The following GPAT4 variants were observed in gnomAD, a reference collection of about 807,000 sequenced individuals.
The protein encoded by GPAT4 is glycerol-3-phosphate acyltransferase 4, also known as 1-AGP acyltransferase 6.
GPAT4 carries 17 observed loss-of-function variants against 58.0 expected under a neutral mutation model. That is an observed-to-expected ratio of 0.29 (90% CI 0.20 to 0.44). The LOEUF (loss-of-function observed/expected upper bound fraction) is 0.44, where lower values mean the gene tolerates loss of function less well. Among genes scored for constraint, GPAT4 ranks in the 20% least tolerant of loss-of-function variants. GPAT4 has a pLI of 1.00. For missense variants in GPAT4, 377 were observed against 574.5 expected, an observed-to-expected ratio of 0.66 and a Z score of 3.51; for synonymous variants, 204 against 210.1, an observed-to-expected ratio of 0.97 and a Z score of 0.25.
chr8:41,606,799 A>G (rs544552039), intron 2 of GPAT4, among the ~76,000 whole-genome samples: 8 of 152,132 alleles, frequency 5.3e-5, no homozygotes, highest in Non-Finnish European at 8.8e-5. Context: ...GAAACCTCAC[A>G]GATAGCAGCC....
chr8:41,591,165 G>A (rs1180309437), intron 1 of GPAT4, among the ~76,000 whole-genome samples: 1 of 152,092 alleles, frequency 6.6e-6, no homozygotes, highest in African/African-American at 2.4e-5. Flanking sequence ...GCATGCACCG[G>A]TAATCAGAAT....
chr8:41,587,752 C>A (rs1802693939), intron 1 of GPAT4, among the ~76,000 whole-genome samples: 1 of 152,200 alleles, frequency 6.6e-6, no homozygotes, highest in Non-Finnish European at 1.5e-5. Context: ...TTGGGAACCA[C>A]TGGTCCGATT....
intron 12 of GPAT4, among the ~76,000 whole-genome samples, chr8:41,620,384 G>C (rs1467205694): frequency 6.6e-6 from 1 of 152,302 alleles, no homozygotes; most frequent in South Asian, 2.1e-4. Flanking sequence ...CATTCCTGAC[G>C]GCACTCTTTT....
intron 8 of GPAT4, 48 bp from the exon 9 acceptor site, chr8:41,614,338 A>G: frequency 1.3e-6 from 2 of 1,483,132 alleles, no homozygotes; most frequent in East Asian, 2.3e-5. Flanking sequence ...TATTTTGACG[A>G]TGTGTATAAG....
In GPAT4 at chr8:41,622,986, T is replaced by C. The variant is rs1299472232; in HGVS notation, c.*1985T>C. 6.6e-6 allele frequency: 1 copy of C among 152,172 alleles called. No individual in the cohort carries two copies. The highest frequency in any genetic ancestry group is 2.1e-4 in the South Asian group (1 of 4,834). The allele number at this position is 152,172 out of a possible 1,614,324, so 9.4% of individuals were successfully genotyped here. A position where few individuals can be genotyped will look rare whatever the true frequency, so the allele number is the denominator to read the frequency against. On this transcript the variant is annotated 3_prime_UTR_variant, in exon 13 of 13. Coordinates refer to ENST00000396987, the MANE Select transcript of GPAT4 (RefSeq NM_178819.4). ...CTTTTAAAAAGTTCATCTGAAACTT[T>C]ATGGTTTGTTACTTTCGTGATTTGC...
chr8:41,615,266 C>T (rs1384656624), intron 10 of GPAT4, among the ~76,000 whole-genome samples: 1 of 152,216 alleles, frequency 6.6e-6, no homozygotes, highest in Non-Finnish European at 1.5e-5. Flanking sequence ...GAATGGGGGA[C>T]AGCCAGATTC....
intron 1 of GPAT4, among the ~76,000 whole-genome samples, chr8:41,592,327 G>A (rs1802811480): frequency 1.3e-5 from 2 of 152,160 alleles, no homozygotes; most frequent in South Asian, 4.1e-4. Flanking sequence ...CATGTGGTTT[G>A]CAACTTTGGG....
chr8:41,615,308 G>A (rs1803564711), intron 10 of GPAT4, among the ~76,000 whole-genome samples: 1 of 152,216 alleles, frequency 6.6e-6, no homozygotes, highest in African/African-American at 2.4e-5. Context: ...CACCATTCGG[G>A]AAATGGCAAG....
intron 7 of GPAT4, 142 bp downstream of exon 7, chr8:41,612,415 G>A: frequency 1.2e-6 from 1 of 812,130 alleles, no homozygotes; most frequent in Non-Finnish European, 1.9e-6. Flanking sequence ...GGGGCTCTGT[G>A]GGACTGTGAT....
intron 1 of GPAT4, among the ~76,000 whole-genome samples, chr8:41,596,147 G>A (rs543946301): frequency 1.1e-4 from 17 of 152,158 alleles, no homozygotes; most frequent in East Asian, 7.7e-4. Flanking sequence ...TAGTAATGCC[G>A]TAATCTCCCT....
rs760999237 is a variant in GPAT4, at chr8:41,620,976, A to G, written c.1346A>G (p.Asn449Ser). The G allele has an allele frequency of 6.4e-7, 1 of 1,551,272 alleles. No homozygotes were observed. Among genetic ancestry groups the G allele is most frequent in the South Asian group, 1.2e-5 (1 of 84,036 alleles). ...QKLYSKMIVG[N>S]HKDRSRS is the part of the protein sequence containing the mutation. Reference sequence around the variant, plus strand: ...CTGTACAGCAAGATGATCGTGGGGAACCACAAGGACAGGAGCCGCTCCTGA... The same window carrying G: ...CTGTACAGCAAGATGATCGTGGGGAGCCACAAGGACAGGAGCCGCTCCTGA... Residue 449 changes from asparagine to serine, a missense_variant, in exon 13 of 13, where the codon AAC (asparagine) becomes AGC (serine). Physicochemically the swap from Asn to Ser is conservative, Grantham distance 46. Transcript: ENST00000396987.
chr8:41,595,108 G>T (rs1249051090), intron 1 of GPAT4, among the ~76,000 whole-genome samples: 1 of 149,174 alleles, frequency 6.7e-6, no homozygotes, highest in Non-Finnish European at 1.5e-5. Flanking sequence ...ATTATCCTTT[G>T]CTATTAATAA....
intron 1 of GPAT4, among the ~76,000 whole-genome samples, chr8:41,585,867 A>G (rs1345547270): frequency 6.6e-6 from 1 of 152,244 alleles, no homozygotes; most frequent in Non-Finnish European, 1.5e-5. Context: ...TAATCACCAT[A>G]ATGTATCTGC....
At chr8:41,619,629 T>C (rs1308984798) in intron 12 of GPAT4, among the ~76,000 whole-genome samples, 1 of 152,200 alleles carries the variant, frequency 6.6e-6, no homozygotes, top group African/African-American at 2.4e-5. Flanking sequence ...GGTAGTTTTA[T>C]CCCAAACAGT....
At chr8:41,578,875 T>G (rs1379835185) in intron 1 of GPAT4, among the ~76,000 whole-genome samples, 1 of 152,202 alleles carries the variant, frequency 6.6e-6, no homozygotes, top group Non-Finnish European at 1.5e-5. Flanking sequence ...AGGGCTGAAG[T>G]TTAGCTGTTC....
intron 2 of GPAT4, among the ~76,000 whole-genome samples, chr8:41,605,413 GT>G (rs1355582951): frequency 6.6e-6 from 1 of 152,246 alleles, no homozygotes; most frequent in East Asian, 1.9e-4. Flanking sequence ...TAGAAGCACA[GT>G]TGATAAAGGT....
chr8:41,608,961 C>G (rs893557724), intron 2 of GPAT4, among the ~76,000 whole-genome samples: 2 of 152,194 alleles, frequency 1.3e-5, no homozygotes, highest in African/African-American at 2.4e-5. Context: ...ATATGTATTA[C>G]TTAAGCTCTT....
chr8:41,610,380 C>G, intron 4 of GPAT4: 4 of 1,230,774 alleles, frequency 3.2e-6, no homozygotes, highest in Non-Finnish European at 4.1e-6. Context: ...CCTCCTGTTG[C>G]TTCAGAGGGA....
intron 1 of GPAT4, among the ~76,000 whole-genome samples, chr8:41,582,368 G>T (rs1373402018): frequency 1.3e-5 from 2 of 151,662 alleles, no homozygotes; most frequent in African/African-American, 2.4e-5. Context: ...AGAACCTAAA[G>T]GCAGTCCTGG....
Sources: allele counts gnomAD v4.1 joint callset (sites outside exome capture counted in the v4.1 genomes callset), GRCh38; gene constraint gnomAD v4.1.1; transcripts MANE v1.5; gene names NCBI Gene and HGNC (gene_info 2026-07-23, HGNC 2026-07-21).